The following SAP130 variants were observed in gnomAD, a reference collection of about 807,000 sequenced individuals.
SAP130 encodes the protein histone deacetylase complex subunit SAP130.
A neutral mutation model predicts 103.2 loss-of-function variants in SAP130; 16 were observed. The observed-to-expected ratio is 0.16, with a 90% CI of 0.10 to 0.24. The LOEUF is 0.24. SAP130 is among the 10% of genes least tolerant of loss of function. SAP130 has a pLI of 1.00. For missense variants in SAP130, 990 were observed against 1,359.7 expected, an observed-to-expected ratio of 0.73 and a Z score of 4.28; for synonymous variants, 477 against 497.0, an observed-to-expected ratio of 0.96 and a Z score of 0.53.
chr2:127,961,847 A>G (rs1377315307), intron 15 of SAP130, among the ~76,000 whole-genome samples: 1 of 152,002 alleles, frequency 6.6e-6, no homozygotes, highest in Non-Finnish European at 1.5e-5. Context: ...GTGGCATGAA[A>G]ACTATGGGGG....
intron 18 of SAP130, among the ~76,000 whole-genome samples, chr2:127,949,370 T>C (rs1679336496): frequency 6.6e-6 from 1 of 152,232 alleles, no homozygotes; most frequent in South Asian, 2.1e-4. Context: ...ATTCTCAGGT[T>C]CCACCAGAAC....
intron 2 of SAP130, among the ~76,000 whole-genome samples, chr2:128,020,825 C>T (rs997184861): frequency 1.3e-5 from 2 of 151,696 alleles, no homozygotes; most frequent in African/African-American, 2.4e-5. Flanking sequence ...GGTGAAACCC[C>T]GTCTCCACAA....
At chr2:127,974,085 A>G (rs1036318923) in intron 15 of SAP130, among the ~76,000 whole-genome samples, 3 of 152,116 alleles carry the variant, frequency 2.0e-5, no homozygotes, top group African/African-American at 7.2e-5. Flanking sequence ...CACTACCTCC[A>G]TGCAGGTTCA....
At chr2:127,950,025 T>C (rs1448783955) in intron 17 of SAP130, 31 bp from the exon 18 acceptor site, 5 of 1,612,496 alleles carry the variant, frequency 3.1e-6, no homozygotes, top group Non-Finnish European at 3.4e-6. Context: ...AACAACTTAG[T>C]AACACTGTCA....
chr2:128,001,145 G>A (rs904727437), intron 7 of SAP130, among the ~76,000 whole-genome samples: 1 of 152,202 alleles, frequency 6.6e-6, no homozygotes, highest in African/African-American at 2.4e-5. Context: ...CCTCAGGATT[G>A]GAAGGGAAAT....
At position 128,013,083 on chromosome 2, in the gene SAP130, T is replaced by C; in HGVS notation, c.691A>G (p.Asn231Asp). The C allele has an allele frequency of 1.2e-6, 2 of 1,613,588 alleles. No homozygotes were observed. Among genetic ancestry groups the C allele is most frequent in the African/African-American group, 1.3e-5 (1 of 74,836 alleles). The stretch of plus-strand genomic sequence containing the variant: ...ACTGCTGGCTGAGCAGTAGCAGCAT[T>C]TGGCAGCTGTGAGGTCGGCCTCAGG... ...TVLRPTSQLP[N>D]AATAQPAVQH... The change falls in exon 6 of 21, where the codon AAT becomes GAT. Residue 231 changes from asparagine (N) to aspartate (D), a missense_variant. Coordinates refer to ENST00000643581, the MANE Select transcript of SAP130 (RefSeq NM_001330301.2).
chr2:128,004,668 G>T (rs1005604761), intron 7 of SAP130, among the ~76,000 whole-genome samples: 2 of 152,138 alleles, frequency 1.3e-5, no homozygotes, highest in African/African-American at 4.8e-5. Flanking sequence ...AGTTCCAAGG[G>T]TTAAAAAGCA....
chr2:127,959,436 G>A (rs1363787121), intron 15 of SAP130, among the ~76,000 whole-genome samples: 2 of 152,122 alleles, frequency 1.3e-5, no homozygotes, highest in Non-Finnish European at 2.9e-5. Flanking sequence ...AGACTTACCC[G>A]GCCAGGTTGT....
intron 15 of SAP130, among the ~76,000 whole-genome samples, chr2:127,975,358 T>C (rs1248781765): frequency 6.6e-6 from 1 of 152,134 alleles, no homozygotes; most frequent in East Asian, 1.9e-4. Flanking sequence ...TTGTATGTGA[T>C]TTGAAGATTT....
At chr2:127,975,334 G>A (rs1038859134) in intron 15 of SAP130, among the ~76,000 whole-genome samples, 1 of 152,186 alleles carries the variant, frequency 6.6e-6, no homozygotes, top group African/African-American at 2.4e-5. Flanking sequence ...AAAGGGATAA[G>A]GCCAGAAGTG....
chr2:127,982,331 C>T (rs964629567), intron 14 of SAP130, among the ~76,000 whole-genome samples: 10 of 152,072 alleles, frequency 6.6e-5, no homozygotes, highest in African/African-American at 9.7e-5. Flanking sequence ...AGAACTAGAG[C>T]ATCATTCTTG....
chr2:127,942,568 G>A lies in SAP130; in HGVS notation c.2902-31C>T. 1.5e-6 allele frequency: 2 copies of A among 1,343,644 alleles called. No homozygotes were observed. Among genetic ancestry groups the A allele is most frequent in the East Asian group, 2.3e-5 (1 of 43,622 alleles). 83.2% of individuals were successfully genotyped at this position (1,343,644 alleles called of 1,614,324 possible). A position where few individuals can be genotyped will look rare whatever the true frequency, so the allele number is the denominator to read the frequency against. ...ACACACAAAAGGGAGGGTATCATAA[G>A]CTCGGAAATATTTTTCTATGTCAAC... On this transcript the variant is annotated intron_variant, in intron 19 of 20. Transcript: ENST00000643581. The surrounding 1 kb of genome is among the most constrained non-coding windows in gnomAD (Gnocchi z 4.8).
At chr2:128,027,650 C>CCCCCGGCCGCTCTGCTT (rs1442528973) in intron 1 of SAP130, among the ~76,000 whole-genome samples, 1 of 148,170 alleles carries the variant, frequency 6.7e-6, no homozygotes, top group Non-Finnish European at 1.5e-5. Flanking sequence ...CGCCCGCGCT[C>CCCCCGGCCGCTCTGCTT]CCCCGGCCGC....
rs986293108 is a variant in SAP130 at position 127,989,151 on chromosome 2, T to G, written c.1780+413A>C. ...TCTCACTCTGTGGCCCAGGCTGGAG[T>G]GCAGTGGCGTGATCTCGGCTCACTG... On this transcript the variant is annotated intron_variant, in intron 13 of 20. Coordinates refer to ENST00000643581, the MANE Select transcript of SAP130 (RefSeq NM_001330301.2). This position sits in a 1 kb window ranked among gnomAD's most constrained non-coding sequence, Gnocchi z 4.6. Among the ~76,000 whole-genome samples, 3 of 151,130 alleles carry G rather than the reference T, an allele frequency of 2.0e-5. No homozygotes were observed. The highest frequency in any genetic ancestry group is 4.4e-5 in the Non-Finnish European group (3 of 67,844).
chr2:127,989,614 T>C lies in SAP130; in HGVS notation c.1730A>G (p.Gln577Arg). The C allele has an allele frequency of 6.2e-7, 1 of 1,614,220 alleles. No homozygotes were observed. The change falls in exon 13 of 21, where the codon CAG becomes CGG. Residue 577 changes from glutamine to arginine, a missense_variant. By Grantham distance (43) the Gln-to-Arg change is conservative (BLOSUM62 1). This residue lies in a region of SAP130 where 349 missense variants were observed against 384.1 expected (regional missense o/e 0.91). Coordinates refer to ENST00000643581, the MANE Select transcript of SAP130 (RefSeq NM_001330301.2). The surrounding 1 kb of genome is among the most constrained non-coding windows in gnomAD (Gnocchi z 4.6). ...SATPINTQGL[Q>R]PAPMGTQQPQ... ...CTGCTGAGTACCCATAGGTGCAGGCTGAAGCCCTTGTGTGTTGATTGGGGT... is the reference window on the plus strand; with the variant it reads ...CTGCTGAGTACCCATAGGTGCAGGCCGAAGCCCTTGTGTGTTGATTGGGGT...
At chr2:127,968,219 C>T (rs1680805477) in intron 15 of SAP130, among the ~76,000 whole-genome samples, 1 of 151,608 alleles carries the variant, frequency 6.6e-6, no homozygotes, top group South Asian at 2.1e-4. Flanking sequence ...AGAGATTCTC[C>T]TGCCACAGCC....
chr2:128,021,822 G>T (rs1437851055), intron 2 of SAP130, among the ~76,000 whole-genome samples: 1 of 152,138 alleles, frequency 6.6e-6, no homozygotes, highest in Non-Finnish European at 1.5e-5. Context: ...TGTAGTGTGT[G>T]TCTCACTGTA....
At chr2:128,027,345 G>T in intron 1 of SAP130, 1 of 972,606 alleles carries the variant, frequency 1.0e-6, no homozygotes, top group Non-Finnish European at 1.3e-6. Flanking sequence ...CCCCACGCCC[G>T]ACGCGTCAGT....
Position 127,973,582 on chromosome 2 carries a change from G to C in SAP130, c.2063+4403C>G, listed in dbSNP as rs112704613. Among the ~76,000 whole-genome samples, 1,977 of 152,082 alleles carry C rather than the reference G, an allele frequency of 0.013. 103 individuals are homozygous for C. In the East Asian group the frequency reaches 0.13, roughly 10 times the overall value. ...TCTGTCTATTTGACATCTCCACTTG[G>C]GTATCCAATCATCTAGATATTGCAA... On this transcript the variant is annotated intron_variant, in intron 15 of 20. Coordinates refer to ENST00000643581, the MANE Select transcript of SAP130 (RefSeq NM_001330301.2).
Sources: gnomAD v4.1 joint callset for allele counts (sites outside exome capture counted in the v4.1 genomes callset) on GRCh38, gnomAD v4.1.1 for gene constraint, gnomAD v4.1.1 regional missense constraint, Gnocchi (gnomAD v3.1) non-coding constraint, MANE v1.5 for transcripts, NCBI Gene and HGNC (gene_info 2026-07-23, HGNC 2026-07-21) for gene names.